SH3BGRL: variants seen among roughly 807,000 people sequenced by gnomAD.
SH3BGRL encodes SH3 domain binding glutamate rich protein like, also known as adapter SH3BGRL.
In SH3BGRL, 7 loss-of-function variants were observed where a neutral mutation model predicts 9.8. That is an observed-to-expected ratio of 0.72 (90% CI 0.41 to 1.35). The LOEUF (loss-of-function observed/expected upper bound fraction) is 1.35, where lower values mean the gene tolerates loss of function less well. Ranked by LOEUF, SH3BGRL falls within the 40% of genes most tolerant of loss-of-function variation. SH3BGRL has a pLI of 0.01. For synonymous variants in SH3BGRL, 36 were observed against 29.1 expected (o/e 1.24, Z -0.76); for missense variants, 73 against 84.4 (o/e 0.86, Z 0.53).
chrX:81,274,282 T>G (rs920887129), intron 1 of SH3BGRL, among the ~76,000 whole-genome samples: 3 of 111,172 alleles, frequency 2.7e-5, no homozygotes, highest in Non-Finnish European at 5.7e-5. Context: ...CTTATAAGTG[T>G]GTGTTATAGT....
Position 81,277,188 on chromosome X carries a change from T to C in SH3BGRL, c.231+19T>C. On this transcript the variant is annotated intron_variant, in intron 2 of 3. Transcript: ENST00000373212. ...TCGCGGGGTAAGAAAACAATTTAAA[T>C]TCTTGTTTATTGTAATAGATTGCCC... 8.5e-7 allele frequency: 1 copy of C among 1,176,162 alleles called. No homozygotes were observed. Among genetic ancestry groups the C allele is most frequent in the East Asian group, 3.0e-5 (1 of 33,324 alleles).
At chrX:81,268,682 A>G (rs2075766193) in intron 1 of SH3BGRL, among the ~76,000 whole-genome samples, 2 of 111,906 alleles carry the variant, frequency 1.8e-5, no homozygotes, top group Non-Finnish European at 3.8e-5. Flanking sequence ...GCTGAGAAGA[A>G]TGTATATTCT....
chrX:81,237,200 A>G (rs1397433200), intron 1 of SH3BGRL: 13 of 386,664 alleles, frequency 3.4e-5, no homozygotes, highest in Non-Finnish European at 5.0e-5. Flanking sequence ...AACTATCTAC[A>G]TGCACACACA....
At chrX:81,241,331 C>T (rs933674509) in intron 1 of SH3BGRL, among the ~76,000 whole-genome samples, 10 of 112,205 alleles carry the variant, frequency 8.9e-5, no homozygotes, top group East Asian at 2.8e-4. Context: ...AGACAGTCTC[C>T]GGGGTGGAAA....
chrX:81,230,749 A>G (rs2075630557), intron 1 of SH3BGRL, among the ~76,000 whole-genome samples: 1 of 111,461 alleles, frequency 9.0e-6, no homozygotes, highest in Non-Finnish European at 1.9e-5. Context: ...GACTGGCACT[A>G]TTTTCGTCCA....
chrX:81,253,160 G>A (rs1357633689), intron 1 of SH3BGRL, among the ~76,000 whole-genome samples: 4 of 111,522 alleles, frequency 3.6e-5, no homozygotes, highest in East Asian at 5.6e-4. Context: ...TTTACTTTTC[G>A]TCTTTTGGTA....
intron 3 of SH3BGRL, 41 bp from the exon 4 acceptor site, chrX:81,297,154 T>C (rs776262933): frequency 7.7e-6 from 9 of 1,162,117 alleles, no homozygotes; most frequent in Non-Finnish European, 1.1e-5. Context: ...GTCTGCTCTG[T>C]GATGTTTAAA....
At chrX:81,274,643 G>A (rs750241903) in intron 1 of SH3BGRL, among the ~76,000 whole-genome samples, 22 of 110,049 alleles carry the variant, frequency 2.0e-4, no homozygotes, top group Non-Finnish European at 4.2e-4. Flanking sequence ...CCACTTGAGT[G>A]CAGGAGTTTG....
At chrX:81,215,677 T>C (rs1275112645) in intron 1 of SH3BGRL, among the ~76,000 whole-genome samples, 1 of 111,320 alleles carries the variant, frequency 9.0e-6, no homozygotes, top group Non-Finnish European at 1.9e-5. Context: ...CCCCAACCAG[T>C]GTGCAAATAT....
At chrX:81,264,426 A>G (rs1428428654) in intron 1 of SH3BGRL, among the ~76,000 whole-genome samples, 1 of 111,606 alleles carries the variant, frequency 9.0e-6, no homozygotes, top group African/African-American at 3.3e-5. Context: ...TAGCCACCCC[A>G]AAAAGGGTTT....
At chrX:81,246,210 A>T (rs2075688097) in intron 1 of SH3BGRL, among the ~76,000 whole-genome samples, 1 of 111,949 alleles carries the variant, frequency 8.9e-6, no homozygotes, top group Admixed American at 9.5e-5. Context: ...GATTCTGGAT[A>T]TTAAACCTTG....
chrX:81,290,731 GT>G (rs982136356), intron 3 of SH3BGRL, among the ~76,000 whole-genome samples: 50 of 111,022 alleles, frequency 4.5e-4, no homozygotes, highest in African/African-American at 1.6e-3. Flanking sequence ...TAATAATTAT[GT>G]TGTTTATAAT....
Position 81,278,371 on chromosome X carries a change from T to C in SH3BGRL, c.272T>C (p.Val91Ala). ...AFFEARENNA[V>A]YAFLGLTAPP... ...TTTGAAGCCAGAGAAAATAATGCAG[T>C]GTATGCCTTCTTAGGCTTGACAGCC... Residue 91 changes from valine to alanine, a missense_variant, in exon 3 of 4, where the codon GTG (valine) becomes GCG (alanine). Physicochemically the swap from Val to Ala is moderately conservative, Grantham distance 64. Transcript: ENST00000373212. The C allele has an allele frequency of 8.3e-7, 1 of 1,201,902 alleles. No homozygotes were observed. Among genetic ancestry groups the C allele is most frequent in the Non-Finnish European group, 1.1e-6 (1 of 888,247 alleles).
At chrX:81,235,097 A>G (rs1464923627) in intron 1 of SH3BGRL, among the ~76,000 whole-genome samples, 1 of 111,789 alleles carries the variant, frequency 8.9e-6, no homozygotes, top group Non-Finnish European at 1.9e-5. Flanking sequence ...AGTAATACCA[A>G]CATCACAGAT....
At chrX:81,229,983 G>C (rs1421263399) in intron 1 of SH3BGRL, among the ~76,000 whole-genome samples, 1 of 111,809 alleles carries the variant, frequency 8.9e-6, no homozygotes, top group East Asian at 2.8e-4. Flanking sequence ...ATATGTCGTA[G>C]TGGAAGGGAC....
At chrX:81,254,364 G>A (rs2147696440) in intron 1 of SH3BGRL, among the ~76,000 whole-genome samples, 1 of 111,695 alleles carries the variant, frequency 9.0e-6, no homozygotes, top group African/African-American at 3.3e-5. Context: ...TTGTGTCTGA[G>A]AGTACATTCT....
chrX:81,229,529 T>G (rs1602601104), intron 1 of SH3BGRL, among the ~76,000 whole-genome samples: 1 of 110,906 alleles, frequency 9.0e-6, no homozygotes, highest in East Asian at 2.9e-4. Context: ...CAGCAGATGG[T>G]TGGGGAGCCA....
chrX:81,267,721 T>C (rs1433008779), intron 1 of SH3BGRL, among the ~76,000 whole-genome samples: 2 of 111,940 alleles, frequency 1.8e-5, no homozygotes, highest in African/African-American at 6.5e-5. Flanking sequence ...GCTCGCCTCA[T>C]AAAATGAGTC....
At chrX:81,240,507 G>A (rs1265923723) in intron 1 of SH3BGRL, among the ~76,000 whole-genome samples, 1 of 112,059 alleles carries the variant, frequency 8.9e-6, no homozygotes, top group Non-Finnish European at 1.9e-5. Context: ...ATGATCTAAT[G>A]AAAACCATAA....
Sources: allele counts gnomAD v4.1 joint callset (sites outside exome capture counted in the v4.1 genomes callset), GRCh38; gene constraint gnomAD v4.1.1; transcripts MANE v1.5; gene names NCBI Gene and HGNC (gene_info 2026-07-23, HGNC 2026-07-21).